DYSF: variants seen among roughly 807,000 people sequenced by gnomAD.
DYSF encodes dysferlin, also known as dystrophy-associated fer-1-like 1.
In DYSF, 212 loss-of-function variants were observed where a neutral mutation model predicts 274.9. The ratio of observed to expected loss-of-function variants is 0.77; its 90% CI spans 0.69 to 0.86. The LOEUF (loss-of-function observed/expected upper bound fraction) is 0.86, where lower values mean the gene tolerates loss of function less well. Among genes scored for constraint, DYSF ranks in the 40% least tolerant of loss-of-function variants. The pLI is 0.00. For synonymous variants in DYSF, 1,091 were observed against 1,078.7 expected, an observed-to-expected ratio of 1.01 and a Z score of -0.22; for missense variants, 2,666 against 2,783.2, an observed-to-expected ratio of 0.96 and a Z score of 0.95.
intron 12 of DYSF, among the ~76,000 whole-genome samples, chr2:71,522,878 C>A (rs1325578178): frequency 6.6e-6 from 1 of 152,142 alleles, no homozygotes; most frequent in East Asian, 1.9e-4. Flanking sequence ...AATCCCCATG[C>A]AAGCAGTTGG....
chr2:71,662,487 T>C (rs1485730046), intron 45 of DYSF, among the ~76,000 whole-genome samples: 1 of 147,956 alleles, frequency 6.8e-6, no homozygotes, highest in Non-Finnish European at 1.5e-5. Flanking sequence ...TGTGTATGTA[T>C]TTGTGTGTAT....
intron 31 of DYSF, 101 bp from the exon 32 acceptor site, chr2:71,590,110 C>CT: frequency 8.5e-7 from 1 of 1,177,626 alleles, no homozygotes; most frequent in Non-Finnish European, 1.3e-6. Flanking sequence ...GCCCCTCTGT[C>CT]TGCTGCCCTT....
At chr2:71,636,580 CAG>C (rs2152917310) in intron 41 of DYSF, among the ~76,000 whole-genome samples, 1 of 152,178 alleles carries the variant, frequency 6.6e-6, no homozygotes, top group African/African-American at 2.4e-5. Flanking sequence ...CAGGGATGTT[CAG>C]AGATAGGAAT....
intron 36 of DYSF, among the ~76,000 whole-genome samples, chr2:71,610,112 T>C (rs1158175726): frequency 1.3e-5 from 2 of 152,226 alleles, no homozygotes; most frequent in Non-Finnish European, 2.9e-5. Flanking sequence ...CTTGTATTTA[T>C]TATAACAATT....
chr2:71,631,972 C>A (rs1335910155), intron 41 of DYSF, among the ~76,000 whole-genome samples: 1 of 152,144 alleles, frequency 6.6e-6, no homozygotes, highest in Non-Finnish European at 1.5e-5. Flanking sequence ...CCTGACATAA[C>A]CCCTCCACCA....
intron 36 of DYSF, among the ~76,000 whole-genome samples, chr2:71,609,341 G>A (rs1462060851): frequency 6.6e-6 from 1 of 152,182 alleles, no homozygotes; most frequent in Non-Finnish European, 1.5e-5. Context: ...AAAATGATAA[G>A]TTTTTTTGCT....
intron 23 of DYSF, among the ~76,000 whole-genome samples, 200 bp from the exon 24 acceptor site, chr2:71,563,857 TG>T (rs971010070): frequency 1.3e-5 from 2 of 152,170 alleles, no homozygotes; most frequent in African/African-American, 4.8e-5. Flanking sequence ...CTCTGTTCTC[TG>T]GGGGCTCACC....
chr2:71,550,579 T>C (rs543449043), intron 17 of DYSF, among the ~76,000 whole-genome samples: 1 of 151,806 alleles, frequency 6.6e-6, no homozygotes, highest in Admixed American at 6.5e-5. Flanking sequence ...CCCCTCCCCA[T>C]TGGCTGCAGG....
intron 27 of DYSF, 94 bp from the exon 28 acceptor site, chr2:71,570,135 G>A: frequency 1.6e-6 from 2 of 1,227,500 alleles, no homozygotes; most frequent in Non-Finnish European, 2.4e-6. Context: ...TCTGGGACTT[G>A]GAGGACGTAT....
exon 1 of DYSF, chr2:71,453,741 G>A (rs2080933882): frequency 1.8e-6 from 1 of 554,326 alleles, no homozygotes; most frequent in South Asian, 2.0e-5. Flanking sequence ...ATGAGCAGAA[G>A]CCCCTGTTCT....
rs764931697 is a variant in DYSF, at chr2:71,570,626, C to G, written c.3113C>G (p.Pro1038Arg). The change falls in exon 29 of 56, where the codon CCG (proline) becomes CGG (arginine). Residue 1038 changes from proline to arginine, a missense_variant. Around this residue, in one of 3 missense-constraint regions of DYSF, gnomAD observed 1,460 missense variants for 1,502.1 expected, o/e 0.97. Coordinates refer to ENST00000410020, the MANE Select transcript of DYSF (RefSeq NM_001130987.2). ...QGWEYSITIP[P>R]ERKPKHWVPA... ...TGGGAGTATAGCATCACCATCCCCCCGGAGCGGAAGCCGAAGCACTGGGTC... is the reference window on the plus strand; with the variant it reads ...TGGGAGTATAGCATCACCATCCCCCGGGAGCGGAAGCCGAAGCACTGGGTC... The G allele has an allele frequency of 1.4e-5, 22 of 1,614,050 alleles. No homozygotes were observed. The highest frequency in any genetic ancestry group is 1.8e-5 in the Non-Finnish European group (21 of 1,179,966).
At chr2:71,643,940 G>A in intron 41 of DYSF, 25 bp from the exon 42 acceptor site, 2 of 1,572,894 alleles carry the variant, frequency 1.3e-6, no homozygotes, top group South Asian at 1.1e-5. Flanking sequence ...TTTCTGAAAT[G>A]GTCTCTTTCT....
intron 35 of DYSF, 188 bp from the exon 36 acceptor site, chr2:71,602,588 G>T: frequency 1.7e-6 from 1 of 598,744 alleles, no homozygotes; most frequent in South Asian, 1.8e-5. Flanking sequence ...CTTTAGGGGC[G>T]TGGCTGGGAA....
At chr2:71,486,883 G>A (rs1052652866) in intron 3 of DYSF, among the ~76,000 whole-genome samples, 3 of 152,228 alleles carry the variant, frequency 2.0e-5, no homozygotes, top group African/African-American at 7.2e-5. Context: ...TTCTCAGAGA[G>A]AAGCTGAAGG....
In DYSF at chr2:71,574,390, G is replaced by A. The variant is rs1026555167; in HGVS notation, c.3402+19G>A. ...GGCCCTGGTATGTGGGGCTGCACTT[G>A]TCCTGGCTTGGGTAGGGTATATCTT... On this transcript the variant is annotated intron_variant, in intron 30 of 55. Transcript: ENST00000410020. 8 of 1,612,184 alleles carry A rather than the reference G, an allele frequency of 5.0e-6. No homozygotes were observed. Among genetic ancestry groups the A allele is most frequent in the Middle Eastern group, 3.3e-4 (2 of 6,074 alleles).
intron 27 of DYSF, 131 bp downstream of exon 27, chr2:71,570,065 A>C: frequency 3.6e-6 from 4 of 1,102,550 alleles, no homozygotes; most frequent in Non-Finnish European, 5.5e-6. Flanking sequence ...TTTGATTTCC[A>C]AAGGGAAAGT....
intron 26 of DYSF, 83 bp from the exon 27 acceptor site, chr2:71,569,737 C>T (rs900117267): frequency 1.4e-5 from 17 of 1,209,492 alleles, no homozygotes; most frequent in Non-Finnish European, 2.0e-5. Flanking sequence ...CTGACATACG[C>T]AGGGGTGCTC....
chr2:71,643,512 C>T (rs894335248), intron 41 of DYSF, among the ~76,000 whole-genome samples: 1 of 152,096 alleles, frequency 6.6e-6, no homozygotes, highest in Admixed American at 6.5e-5. Context: ...AGATAAAACT[C>T]TTTTGGGTCT....
chr2:71,591,998 G>A (rs1268824811), intron 32 of DYSF, among the ~76,000 whole-genome samples: 2 of 152,266 alleles, frequency 1.3e-5, no homozygotes, highest in African/African-American at 2.4e-5. Context: ...TGGCTAACTT[G>A]TCCTGGGAAA....
Sources: allele counts gnomAD v4.1 joint callset (sites outside exome capture counted in the v4.1 genomes callset), GRCh38; gene constraint gnomAD v4.1.1; regional missense constraint gnomAD v4.1.1; transcripts MANE v1.5; gene names NCBI Gene and HGNC (gene_info 2026-07-23, HGNC 2026-07-21).